The following BRSK2 variants were observed in gnomAD, a reference collection of about 807,000 sequenced individuals.
BRSK2 encodes BR serine/threonine kinase 2.
A neutral mutation model predicts 83.3 loss-of-function variants in BRSK2; 19 were observed. The ratio of observed to expected loss-of-function variants is 0.23; its 90% CI spans 0.16 to 0.33. BRSK2 has a LOEUF of 0.33. Among genes scored for constraint, BRSK2 ranks in the 10% least tolerant of loss-of-function variants. BRSK2 has a pLI of 1.00. For missense variants in BRSK2, 798 were observed against 1,042.3 expected (o/e 0.77, Z 3.23); for synonymous variants, 519 against 435.4 (o/e 1.19, Z -2.39).
rs896054676 is a variant in BRSK2, at chr11:1,459,246, A to C, written c.1987+7A>C. 6.2e-7 allele frequency: 1 copy of C among 1,613,522 alleles called. No homozygotes were observed. Among genetic ancestry groups the C allele is most frequent in the Non-Finnish European group, 8.5e-7 (1 of 1,179,730 alleles). ...GGGCGGCTTTCCAAATGTGGTAAGA[A>C]TCCCCCACGCTCACCTGGCACCTCC... On this transcript the variant is annotated splice_region_variant and intron_variant, in intron 19 of 19. Coordinates refer to ENST00000528841, the MANE Select transcript of BRSK2 (RefSeq NM_001256627.2).
In BRSK2 at chr11:1,429,014, G is replaced by A. The variant is rs1246538003; in HGVS notation, c.92-7026G>A. Among the ~76,000 whole-genome samples, 2 of 151,022 alleles carry A rather than the reference G, an allele frequency of 1.3e-5. 1 individual carries two copies. Among genetic ancestry groups the A allele is most frequent in the African/African-American group, 4.9e-5 (2 of 41,012 alleles). On this transcript the variant is annotated intron_variant, in intron 1 of 19. Coordinates refer to ENST00000528841, the MANE Select transcript of BRSK2 (RefSeq NM_001256627.2). ...GTGTGTCCTGGGTGTGTGTGCATGG[G>A]TGTGTGTACACGGGTGTGTCCTGGG...
At chr11:1,408,643 G>GGCCT (rs1397793203) in intron 1 of BRSK2, among the ~76,000 whole-genome samples, 5 of 152,212 alleles carry the variant, frequency 3.3e-5, no homozygotes, top group African/African-American at 1.2e-4. Context: ...GCACAGGTCA[G>GGCCT]GGTTCACGTC....
intron 1 of BRSK2, among the ~76,000 whole-genome samples, chr11:1,421,711 CGTGGGTGTGCAGG>C (rs1848647152): frequency 6.6e-6 from 1 of 152,134 alleles, no homozygotes; most frequent in South Asian, 2.1e-4. Context: ...GGGCTGTTAC[CGTGGGTGTGCAGG>C]GTGGGGGTGC....
chr11:1,410,524 A>G (rs764433983), intron 1 of BRSK2: 25 of 985,402 alleles, frequency 2.5e-5, no homozygotes, highest in South Asian at 4.7e-5. Flanking sequence ...CGGTGCTTCA[A>G]AGGCCTCACT....
intron 15 of BRSK2, among the ~76,000 whole-genome samples, chr11:1,453,061 G>C (rs1032465977): frequency 6.6e-6 from 1 of 152,236 alleles, no homozygotes; most frequent in African/African-American, 2.4e-5. Context: ...CAGCCTCGAG[G>C]GGCGTTCTTT....
At chr11:1,424,634 A>G (rs1011513938) in intron 1 of BRSK2, among the ~76,000 whole-genome samples, 3 of 152,174 alleles carry the variant, frequency 2.0e-5, no homozygotes, top group Non-Finnish European at 2.9e-5. Flanking sequence ...CCTGCCCTCC[A>G]TCTGCATCCA....
chr11:1,406,664 C>T (rs954069941), intron 1 of BRSK2, among the ~76,000 whole-genome samples: 3 of 152,194 alleles, frequency 2.0e-5, no homozygotes, highest in Admixed American at 2.0e-4. Context: ...CATGAGGAGG[C>T]CTGCAGAGGC....
intron 1 of BRSK2, among the ~76,000 whole-genome samples, chr11:1,429,303 C>CA (rs1849671597): frequency 9.4e-6 from 1 of 106,194 alleles, no homozygotes; most frequent in African/African-American, 5.4e-5. Context: ...GGCGTGTGTC[C>CA]TGGGTGTGTG....
Position 1,454,194 on chromosome 11 carries a change from G to GCTCACCTGTGGA in BRSK2, c.1545-291_1545-290insCTCACCTGTGGA. 1 of 303,260 alleles carries GCTCACCTGTGGA rather than the reference G, an allele frequency of 3.3e-6. No individual in the cohort carries two copies. Among genetic ancestry groups the GCTCACCTGTGGA allele is most frequent in the East Asian group, 7.3e-5 (1 of 13,712 alleles). 18.8% of individuals were successfully genotyped at this position (303,260 alleles called of 1,614,324 possible). The stretch of plus-strand genomic sequence containing the variant: ...CCTGTGGGGGGCTCACCTGTGGAGG[G>GCTCACCTGTGGA]GCATCCCCAGACTTGGGAGTGGGTG... On this transcript the variant is annotated intron_variant, in intron 15 of 19. Transcript: ENST00000528841. This position sits in a 1 kb window ranked among gnomAD's most constrained non-coding sequence, Gnocchi z 5.2.
chr11:1,450,458 G>A (rs1845679589), intron 13 of BRSK2, 129 bp from the exon 14 acceptor site: 1 of 585,402 alleles, frequency 1.7e-6, no homozygotes, highest in Non-Finnish European at 3.0e-6. Context: ...CAGCACCCCA[G>A]CCCGGCCTCC....
At chr11:1,448,587 C>G (rs1852528211) in intron 12 of BRSK2, among the ~76,000 whole-genome samples, 1 of 152,082 alleles carries the variant, frequency 6.6e-6, no homozygotes, top group Non-Finnish European at 1.5e-5. Flanking sequence ...CGTGCCCAGT[C>G]ACGAGCTCTG....
Position 1,389,940 on chromosome 11 carries a change from G to C in BRSK2, c.-345G>C, listed in dbSNP as rs1025930333. ...GCACGGCTCGGCTCGGCTCGGCTCGGCTCGGCTGCGCGGCCGCTGACGGGC... is the reference window on the plus strand; with the variant it reads ...GCACGGCTCGGCTCGGCTCGGCTCGCCTCGGCTGCGCGGCCGCTGACGGGC... On this transcript the variant is annotated 5_prime_UTR_variant, in exon 1 of 20. Coordinates refer to ENST00000528841, the MANE Select transcript of BRSK2 (RefSeq NM_001256627.2). This position sits in a 1 kb window ranked among gnomAD's most constrained non-coding sequence, Gnocchi z 4.1. 1 of 150,048 alleles carries C rather than the reference G, an allele frequency of 6.7e-6. No homozygotes were observed. Among genetic ancestry groups the C allele is most frequent in the Non-Finnish European group, 1.5e-5 (1 of 67,048 alleles). 9.3% of individuals were successfully genotyped at this position (150,048 alleles called of 1,614,324 possible). A position where few individuals can be genotyped will look rare whatever the true frequency, so the allele number is the denominator to read the frequency against.
Position 1,456,914 on chromosome 11 carries a change from G to A in BRSK2, c.1939+227G>A, listed in dbSNP as rs763643764. Reference sequence around the variant, plus strand: ...CCTCTGCACGCCAGGGACATAGGGCGCAGCCGCACCACACTGAAAGGCGCC... The same window carrying A: ...CCTCTGCACGCCAGGGACATAGGGCACAGCCGCACCACACTGAAAGGCGCC... On this transcript the variant is annotated intron_variant, in intron 18 of 19. Transcript: ENST00000528841. 29 of 1,585,036 alleles carry A rather than the reference G, an allele frequency of 1.8e-5. No homozygotes were observed. In the Admixed American group the frequency reaches 2.0e-4, roughly 11 times the overall value.
At chr11:1,440,525 A>G (rs1851068640) in intron 3 of BRSK2, among the ~76,000 whole-genome samples, 1 of 151,598 alleles carries the variant, frequency 6.6e-6, no homozygotes, top group South Asian at 2.1e-4. Context: ...CCCCAGAACC[A>G]TCCCTTCACC....
At chr11:1,448,518 G>A (rs564982228) in intron 12 of BRSK2, among the ~76,000 whole-genome samples, 1 of 152,314 alleles carries the variant, frequency 6.6e-6, no homozygotes, top group South Asian at 2.1e-4. Context: ...TGCCTGGCCG[G>A]ATAGGACCAG....
At chr11:1,446,354 TGGGCAGGGCTGGGCTGAGCTGGGCA>T (rs1312299359) in intron 12 of BRSK2, among the ~76,000 whole-genome samples, 56 of 148,094 alleles carry the variant, frequency 3.8e-4, no homozygotes, top group Admixed American at 5.3e-4. Flanking sequence ...TGGGCTGAGC[TGGGCAGGGCTGGGCTGAGCTGGGCA>T]GGGCTGGGCT....
chr11:1,425,995 C>T (rs766722608), intron 1 of BRSK2, among the ~76,000 whole-genome samples: 22 of 152,214 alleles, frequency 1.4e-4, no homozygotes, highest in African/African-American at 4.6e-4. Context: ...TGTGGTGCCA[C>T]GGTGAGCACA....
chr11:1,393,240 TCCCTGCGCGCCTTTG>T (rs1203898436), intron 1 of BRSK2, among the ~76,000 whole-genome samples: 6 of 135,896 alleles, frequency 4.4e-5, no homozygotes, highest in Non-Finnish European at 8.1e-5. Flanking sequence ...GTGGCTTTTG[TCCCTGCGCGCCTTTG>T]TCCCTGTGCC....
At chr11:1,435,933 C>G in intron 1 of BRSK2, 107 bp from the exon 2 acceptor site, 1 of 785,902 alleles carries the variant, frequency 1.3e-6, no homozygotes, top group Non-Finnish European at 2.0e-6. Flanking sequence ...CGGGTGGGAC[C>G]CCTGCTGTCC....
Sources: gnomAD v4.1 joint callset for allele counts (sites outside exome capture counted in the v4.1 genomes callset) on GRCh38, gnomAD v4.1.1 for gene constraint, Gnocchi (gnomAD v3.1) non-coding constraint, MANE v1.5 for transcripts, NCBI Gene and HGNC (gene_info 2026-07-23, HGNC 2026-07-21) for gene names.